The following GFM2 variants were observed in gnomAD, a reference collection of about 807,000 sequenced individuals.
GFM2 encodes the protein ribosome-releasing factor 2, mitochondrial.
A neutral mutation model predicts 95.4 loss-of-function variants in GFM2; 72 were observed. The ratio of observed to expected loss-of-function variants is 0.76; its 90% CI spans 0.62 to 0.92. GFM2 has a LOEUF of 0.92. Among genes scored for constraint, GFM2 ranks in the 40% least tolerant of loss-of-function variants. The pLI is 0.00. For missense variants in GFM2, 825 were observed against 924.1 expected, an observed-to-expected ratio of 0.89 and a Z score of 1.39; for synonymous variants, 276 against 317.5, an observed-to-expected ratio of 0.87 and a Z score of 1.39.
chr5:74,727,304 A>G (rs541399797), intron 17 of GFM2, among the ~76,000 whole-genome samples: 1 of 152,346 alleles, frequency 6.6e-6, no homozygotes, highest in Non-Finnish European at 1.5e-5. Flanking sequence ...CTTCTGAAGC[A>G]ACCACTATCA....
At chr5:74,735,961 G>A (rs899090989) in intron 15 of GFM2, among the ~76,000 whole-genome samples, 2 of 152,148 alleles carry the variant, frequency 1.3e-5, no homozygotes, top group African/African-American at 2.4e-5. Context: ...CAATGACATA[G>A]AAGAAATCTT....
intron 5 of GFM2, among the ~76,000 whole-genome samples, chr5:74,757,651 C>T (rs1056067921): frequency 2.7e-5 from 4 of 146,886 alleles, no homozygotes; most frequent in Non-Finnish European, 5.9e-5. Flanking sequence ...ATCTCTTGTG[C>T]CCAAGAGTTC....
chr5:74,722,179 T>G, intron 20 of GFM2, 200 bp downstream of exon 20: 1 of 581,280 alleles, frequency 1.7e-6, no homozygotes, highest in Non-Finnish European at 3.0e-6. Context: ...AATACCCCCT[T>G]GTAGTGCTAT....
Position 74,751,358 on chromosome 5 carries a change from CG to C in GFM2, c.430+9del. On this transcript the variant is annotated intron_variant, in intron 6 of 20. Transcript: ENST00000296805. Reference sequence around the variant, plus strand: ...CGCAGCATCTCTGTGTTACTGGAATCGTACCATACCTGGTGTATCAATTAGA... The same window carrying C: ...CGCAGCATCTCTGTGTTACTGGAATCTACCATACCTGGTGTATCAATTAGA... 6.2e-7 allele frequency: 1 copy of C among 1,608,502 alleles called. No individual in the cohort carries two copies. The highest frequency in any genetic ancestry group is 8.5e-7 in the Non-Finnish European group (1 of 1,177,562).
At chr5:74,763,824 G>A in intron 1 of GFM2, 58 bp from the exon 2 acceptor site, 1 of 988,002 alleles carries the variant, frequency 1.0e-6, no homozygotes, top group South Asian at 1.3e-5. Flanking sequence ...ATGTCAGCAA[G>A]GCATATGTAA....
At chr5:74,760,340 A>G (rs1033764815) in intron 3 of GFM2, among the ~76,000 whole-genome samples, 1 of 152,168 alleles carries the variant, frequency 6.6e-6, no homozygotes, top group Non-Finnish European at 1.5e-5. Context: ...TTATTCTCAC[A>G]TGACAAACAC....
intron 10 of GFM2, among the ~76,000 whole-genome samples, chr5:74,744,303 T>C (rs1032632808): frequency 1.5e-4 from 23 of 151,976 alleles, no homozygotes; most frequent in Admixed American, 7.9e-4. Context: ...TATGGCACTG[T>C]CAACATTCAT....
At chr5:74,750,493 T>C (rs2112319341) in intron 7 of GFM2, 86 bp downstream of exon 7, 1 of 820,522 alleles carries the variant, frequency 1.2e-6, no homozygotes, top group South Asian at 1.6e-5. Flanking sequence ...ACCAAATAGA[T>C]GGTTACAGTT....
At chr5:74,727,860 C>CAAAAAAA (rs1328181947) in intron 17 of GFM2, among the ~76,000 whole-genome samples, 48 of 152,216 alleles carry the variant, frequency 3.2e-4, no homozygotes, top group African/African-American at 9.9e-4. Flanking sequence ...TAACATCTAT[C>CAAAAAAA]ATGTCAAAAA....
At position 74,721,477 on chromosome 5, in the gene GFM2, T is replaced by A; in HGVS notation, c.*178A>T. The A allele has an allele frequency of 1.4e-6, 1 of 738,016 alleles. No homozygotes were observed. 45.7% of individuals were successfully genotyped at this position (738,016 alleles called of 1,614,324 possible). Reference sequence around the variant, plus strand: ...ACATCAAAGCACATTTCTCATTATATAAATTAAAACGGGTGGCTCCAGTGC... The same window carrying A: ...ACATCAAAGCACATTTCTCATTATAAAAATTAAAACGGGTGGCTCCAGTGC... On this transcript the variant is annotated 3_prime_UTR_variant, in exon 21 of 21. Coordinates refer to ENST00000296805, the MANE Select transcript of GFM2 (RefSeq NM_032380.5).
In GFM2 at chr5:74,750,717, T is replaced by C. The variant is rs1473579249; in HGVS notation, c.431-50A>G. On this transcript the variant is annotated intron_variant, in intron 6 of 20. Coordinates refer to ENST00000296805, the MANE Select transcript of GFM2 (RefSeq NM_032380.5). ...TGCCTTCTTTTTAACAAAACCATCA[T>C]ATGATCCAGCAATCTCACATCTCAC... 8 of 1,328,262 alleles carry C rather than the reference T, an allele frequency of 6.0e-6. No homozygotes were observed. The Admixed American group carries it at 8.9e-5, about 15-fold the overall frequency. The allele number at this position is 1,328,262 out of a possible 1,614,324, so 82.3% of individuals were successfully genotyped here.
chr5:74,727,528 A>C (rs528098366), intron 17 of GFM2, among the ~76,000 whole-genome samples: 3 of 152,300 alleles, frequency 2.0e-5, no homozygotes, highest in Non-Finnish European at 4.4e-5. Context: ...ACTATGAGGA[A>C]GACCCCTCCC....
In GFM2 at chr5:74,721,658, G is replaced by C; in HGVS notation, c.2337C>G (p.Thr779=). 6.2e-7 allele frequency: 1 copy of C among 1,611,196 alleles called. No homozygotes were observed. Among genetic ancestry groups the C allele is most frequent in the South Asian group, 1.1e-5 (1 of 90,030 alleles). ...NTLLNRRSGL[T] ...TTCTCTCCAAAAACTAAAACATTTA[G>C]GTCAAACCACTTCTCCGGTTGAGCA... Residue 779 remains threonine (T), a synonymous_variant, in exon 21 of 21, where the codon ACC becomes ACG. Transcript: ENST00000296805.
chr5:74,761,450 A>G (rs935506004), intron 2 of GFM2, among the ~76,000 whole-genome samples: 1 of 152,218 alleles, frequency 6.6e-6, no homozygotes, highest in Non-Finnish European at 1.5e-5. Flanking sequence ...CCCAGGATAC[A>G]CCTTGGTTTT....
intron 10 of GFM2, among the ~76,000 whole-genome samples, chr5:74,745,130 G>A (rs905318320): frequency 6.6e-6 from 1 of 152,038 alleles, no homozygotes; most frequent in African/African-American, 2.4e-5. Flanking sequence ...CTGAGGTCAG[G>A]GGTTCGAGAC....
chr5:74,721,728 T>C lies in GFM2; in HGVS notation c.2267A>G (p.Glu756Gly). The stretch of plus-strand genomic sequence containing the variant: ...ATTCATGGCTTGATAAGTAGATAGT[T>C]CTAAGGCAAAAGTAGCTGAGCCTGA... ...LTSGSATFAL[E>G]LSTYQAMNPQ... The change falls in exon 21 of 21, where the codon GAA (glutamate) becomes GGA (glycine). Residue 756 changes from glutamate to glycine, a missense_variant. Physicochemically the swap from Glu to Gly is moderately conservative, Grantham distance 98 (BLOSUM62 -2). Transcript: ENST00000296805. 5.0e-6 allele frequency: 8 copies of C among 1,613,802 alleles called. No individual in the cohort carries two copies. Among genetic ancestry groups the C allele is most frequent in the Non-Finnish European group, 6.8e-6 (8 of 1,179,834 alleles).
At position 74,763,697 on chromosome 5, in the gene GFM2, GTAT is replaced by G. The variant is rs1744398926; in HGVS notation, c.43_45del (p.Ile15del). 4.4e-6 allele frequency: 7 copies of G among 1,586,466 alleles called. No individual in the cohort carries two copies. Among genetic ancestry groups the G allele is most frequent in the Non-Finnish European group, 6.1e-6 (7 of 1,155,686 alleles). On this transcript the variant is annotated inframe_deletion, in exon 2 of 21. Transcript: ENST00000296805. ...ATGCTTACATTAATATACACACTGG[GTAT>G]TGTCTGATGACTCATTGCAAATATC...
At chr5:74,731,912 C>CT (rs754165810) in intron 16 of GFM2, among the ~76,000 whole-genome samples, 4,078 of 132,670 alleles carry the variant, frequency 0.031, 82 homozygotes, top group Middle Eastern at 0.061. Context: ...GTATTATTTG[C>CT]TTTTTTTTTT....
Position 74,757,958 on chromosome 5 carries a change from T to C in GFM2, c.304+891A>G, listed in dbSNP as rs1744084860. Among the ~76,000 whole-genome samples, 3 of 152,066 alleles carry C rather than the reference T, an allele frequency of 2.0e-5. No homozygotes were observed. In the South Asian group the frequency reaches 6.2e-4, roughly 32 times the overall value. ...CGGGGAAAGGGGAAAATGGGAGTTG[T>C]TTAATGGGTATAGAATTTCAATTTT... On this transcript the variant is annotated intron_variant, in intron 5 of 20. Transcript: ENST00000296805.
Sources: allele counts gnomAD v4.1 joint callset (sites outside exome capture counted in the v4.1 genomes callset), GRCh38; gene constraint gnomAD v4.1.1; transcripts MANE v1.5; gene names NCBI Gene and HGNC (gene_info 2026-07-23, HGNC 2026-07-21).